The following YARS1 variants were observed in gnomAD, a reference collection of about 807,000 sequenced individuals.
The protein encoded by YARS1 is tyrosine--tRNA ligase, cytoplasmic.
In YARS1, 36 loss-of-function variants were observed where a neutral mutation model predicts 62.2. The ratio of observed to expected loss-of-function variants is 0.58; its 90% CI spans 0.44 to 0.76. YARS1 has a LOEUF of 0.76. Ranked by LOEUF, YARS1 falls within the 30% of genes least tolerant of loss-of-function variation. The pLI is 0.00. For synonymous variants in YARS1, 234 were observed against 244.9 expected (o/e 0.96, Z 0.42); for missense variants, 524 against 639.8 (o/e 0.82, Z 1.95).
chr1:32,797,895 G>T (rs769239362), intron 4 of YARS1, 52 bp from the exon 5 acceptor site: 3 of 1,527,500 alleles, frequency 2.0e-6, no homozygotes, highest in South Asian at 2.2e-5. Flanking sequence ...TTTTGAGACA[G>T]AGTCTCGCTC....
At chr1:32,781,021 C>T in intron 10 of YARS1, 27 bp downstream of exon 10, 1 of 1,608,888 alleles carries the variant, frequency 6.2e-7, no homozygotes, top group Non-Finnish European at 8.5e-7. Flanking sequence ...CAATCTGCCT[C>T]TCTGAGATGT....
At chr1:32,815,613 G>A (rs568801769) in intron 1 of YARS1, among the ~76,000 whole-genome samples, 1 of 152,202 alleles carries the variant, frequency 6.6e-6, no homozygotes, top group South Asian at 2.1e-4. Context: ...GTTCTGCTAG[G>A]TGCAAATACA....
rs772729857 is a variant in YARS1 at position 32,806,577 on chromosome 1, C to T, written c.415G>A (p.Val139Met). 3.7e-6 allele frequency: 6 copies of T among 1,613,978 alleles called. No individual in the cohort carries two copies. The East Asian group carries it at 6.7e-5, about 18-fold the overall frequency. Residue 139 changes from valine to methionine, a missense_variant, in exon 4 of 13, where the codon GTG becomes ATG. By Grantham distance (21) the Val-to-Met change is conservative (BLOSUM62 1). Coordinates refer to ENST00000373477, the MANE Select transcript of YARS1 (RefSeq NM_003680.4). The part of the protein sequence containing the change: ...YTLDVYRLSS[V>M]VTQHDSKKAG... ...TTCTTGGAATCGTGCTGTGTGACCA[C>T]GGAGGAGAGTCTGTACACATCTAGT...
intron 6 of YARS1, among the ~76,000 whole-genome samples, chr1:32,788,523 T>G (rs1653312021): frequency 6.6e-6 from 1 of 152,142 alleles, no homozygotes; most frequent in Admixed American, 6.5e-5. Flanking sequence ...CTCCGCCTCC[T>G]GGGTTCAAGC....
chr1:32,783,312 G>A (rs1569714502), intron 8 of YARS1: 1 of 152,252 alleles, frequency 6.6e-6, no homozygotes, highest in African/African-American at 2.4e-5. Flanking sequence ...CTTGTGTCCT[G>A]TGACTGCCTT....
intron 3 of YARS1, among the ~76,000 whole-genome samples, chr1:32,808,837 G>A (rs1027115227): frequency 6.6e-6 from 1 of 152,036 alleles, no homozygotes; most frequent in Admixed American, 6.6e-5. Context: ...TTCAGCTATC[G>A]CCATCTGATA....
intron 2 of YARS1, 35 bp downstream of exon 2, chr1:32,810,876 G>T: frequency 6.2e-7 from 1 of 1,614,028 alleles, no homozygotes; most frequent in Non-Finnish European, 8.5e-7. Flanking sequence ...TCTCCCTTGG[G>T]TCATTCCCCA....
chr1:32,791,114 C>T, intron 6 of YARS1, 48 bp downstream of exon 6: 1 of 1,505,776 alleles, frequency 6.6e-7, no homozygotes, highest in East Asian at 2.3e-5. Flanking sequence ...CTCAATCTCT[C>T]CATTGAGGCT....
intron 4 of YARS1, among the ~76,000 whole-genome samples, chr1:32,804,215 G>A (rs538887014): frequency 6.6e-6 from 1 of 152,180 alleles, no homozygotes; most frequent in African/African-American, 2.4e-5. Context: ...CGACAAAACC[G>A]CCATCGTCAT....
intron 4 of YARS1, among the ~76,000 whole-genome samples, chr1:32,800,626 G>C (rs1260667447): frequency 6.6e-6 from 1 of 151,566 alleles, no homozygotes; most frequent in African/African-American, 2.4e-5. Flanking sequence ...TGCACTGTCT[G>C]TCACCCAGGC....
chr1:32,778,941 T>C (rs962212129), intron 12 of YARS1, among the ~76,000 whole-genome samples: 1 of 151,914 alleles, frequency 6.6e-6, no homozygotes, highest in Non-Finnish European at 1.5e-5. Flanking sequence ...GGTTTCACCA[T>C]GTTGGCCAGG....
intron 8 of YARS1, 140 bp downstream of exon 8, chr1:32,786,222 T>G: frequency 1.2e-6 from 1 of 832,178 alleles, no homozygotes. Context: ...TGGACACTAG[T>G]GAGATTACCA....
In YARS1 at chr1:32,806,509, C is replaced by G. The variant is rs780528629; in HGVS notation, c.483G>C (p.Leu161=). 1.6e-5 allele frequency: 26 copies of G among 1,614,090 alleles called. No homozygotes were observed. In the Admixed American group the frequency reaches 3.3e-4, roughly 21 times the overall value. ...EVVKQVEHPL[L]SGLLYPGLQA... ...GCAGTCCGGGGTATAAGAGGCCACT[C>G]AGCAAAGGGTGCTCCACCTGCTTTA... is the stretch of plus-strand genomic sequence containing the variant. The change falls in exon 4 of 13, where the codon CTG becomes CTC. Residue 161 remains leucine (L), a synonymous_variant. Coordinates refer to ENST00000373477, the MANE Select transcript of YARS1 (RefSeq NM_003680.4).
At chr1:32,782,581 AG>A (rs1653096795) in intron 8 of YARS1, 42 bp from the exon 9 acceptor site, 1 of 1,613,526 alleles carries the variant, frequency 6.2e-7, no homozygotes, top group Admixed American at 1.7e-5. Flanking sequence ...AGTCTAGAAC[AG>A]GGCACAGGAC....
Position 32,776,822 on chromosome 1 carries a change from C to T in YARS1, c.1477-731G>A, listed in dbSNP as rs1159708055. ...TCTACTAAAATTACAAAAAATTAGC[C>T]GGGTGTGGTGGTGGGGCGCCTGTAG... On this transcript the variant is annotated intron_variant, in intron 12 of 12. Coordinates refer to ENST00000373477, the MANE Select transcript of YARS1 (RefSeq NM_003680.4). The surrounding 1 kb of genome is among the most constrained non-coding windows in gnomAD (Gnocchi z 4.0). Among the ~76,000 whole-genome samples, 4 of 151,740 alleles carry T rather than the reference C, an allele frequency of 2.6e-5. No individual in the cohort carries two copies. The highest frequency in any genetic ancestry group is 1.3e-4 in the Admixed American group (2 of 15,242).
chr1:32,803,429 GC>G (rs1288681603), intron 4 of YARS1, among the ~76,000 whole-genome samples: 1 of 152,024 alleles, frequency 6.6e-6, no homozygotes, highest in African/African-American at 2.4e-5. Context: ...ACCATGCCCG[GC>G]CTATTTAGCA....
At chr1:32,816,474 T>G (rs1005613955) in intron 1 of YARS1, among the ~76,000 whole-genome samples, 1 of 152,234 alleles carries the variant, frequency 6.6e-6, no homozygotes, top group Non-Finnish European at 1.5e-5. Flanking sequence ...TCGGAAATCA[T>G]GCGTCGCTGA....
At chr1:32,805,004 G>A (rs867334695) in intron 4 of YARS1, among the ~76,000 whole-genome samples, 20 of 152,294 alleles carry the variant, frequency 1.3e-4, no homozygotes, top group African/African-American at 4.6e-4. Flanking sequence ...GCCGAGGCGG[G>A]TAGATCACTC....
intron 7 of YARS1, 30 bp downstream of exon 7, chr1:32,786,909 TG>T (rs762110391): frequency 6.2e-7 from 1 of 1,613,782 alleles, no homozygotes; most frequent in South Asian, 1.1e-5. Flanking sequence ...TATTCTAGCC[TG>T]GCCTCTAGGA....
Sources: allele counts gnomAD v4.1 joint callset (sites outside exome capture counted in the v4.1 genomes callset), GRCh38; gene constraint gnomAD v4.1.1; non-coding constraint Gnocchi (gnomAD v3.1); transcripts MANE v1.5; gene names NCBI Gene and HGNC (gene_info 2026-07-23, HGNC 2026-07-21).